ZNF117: variants seen among roughly 807,000 people sequenced by gnomAD.
ZNF117 encodes zinc finger protein 117, also known as Krueppel-related zinc finger protein.
A neutral mutation model predicts 41.2 loss-of-function variants in ZNF117; 37 were observed. The ratio of observed to expected loss-of-function variants is 0.90; its 90% confidence interval spans 0.69 to 1.18. The LOEUF is 1.18. ZNF117 is among the 50% of genes most tolerant of loss of function. The pLI is 0.00. For missense variants in ZNF117, 546 were observed against 557.5 expected (o/e 0.98, Z 0.21); for synonymous variants, 186 against 186.6 (o/e 1.00, Z 0.02).
exon 3 of ZNF117, chr7:64,975,605 GA>G (rs1785869145): frequency 1.3e-5 from 2 of 151,964 alleles, no homozygotes; most frequent in Non-Finnish European, 2.9e-5. Context: ...TGAAAAGCAT[GA>G]AGTAATTTGA....
upstream of ZNF117, among the ~76,000 whole-genome samples, chr7:64,984,232 A>G (rs953776200): frequency 2.6e-5 from 4 of 152,198 alleles, no homozygotes; most frequent in Non-Finnish European, 5.9e-5. Context: ...CCAGGGTTCA[A>G]GGGATTCTCA....
upstream of ZNF117, among the ~76,000 whole-genome samples, chr7:64,982,818 A>G (rs1336030812): frequency 6.6e-6 from 1 of 152,252 alleles, no homozygotes. Context: ...AATAATGAAG[A>G]GAAAAATAAT....
At chr7:64,981,177 A>G (rs1318915021) in intron 2 of ZNF117, 1 of 601,326 alleles carries the variant, frequency 1.7e-6, no homozygotes, top group Non-Finnish European at 2.8e-6. Context: ...GTGAAATTGA[A>G]GACAGATCAC....
At chr7:64,979,342 A>G in exon 3 of ZNF117, 2 of 1,594,944 alleles carry the variant, frequency 1.3e-6, no homozygotes, top group Non-Finnish European at 1.7e-6. Context: ...ATTTTGCTCA[A>G]GGTAGTTTTC....
At chr7:64,981,516 C>T (rs1786033401) in intron 1 of ZNF117, 34 bp from the exon 3 acceptor site, 9 of 1,503,416 alleles carry the variant, frequency 6.0e-6, no homozygotes, top group South Asian at 1.1e-5. Flanking sequence ...ATAAATCTTG[C>T]ACATATTCTC....
At chr7:64,978,167 A>G (rs1182805231) in exon 3 of ZNF117, 1 of 1,612,172 alleles carries the variant, frequency 6.2e-7, no homozygotes, top group Non-Finnish European at 8.5e-7. Flanking sequence ...GTTTCTCTTC[A>G]GTATGAATTA....
upstream of ZNF117, among the ~76,000 whole-genome samples, chr7:64,985,022 C>A (rs1219432483): frequency 6.6e-6 from 1 of 151,790 alleles, no homozygotes; most frequent in Non-Finnish European, 1.5e-5. Context: ...GAACTCCTGA[C>A]CTCAGGTGAT....
At chr7:64,989,493 A>G (rs1584056393) in intron 1 of ZNF117, among the ~76,000 whole-genome samples, 1 of 105,902 alleles carries the variant, frequency 9.4e-6, no homozygotes, top group Middle Eastern at 4.4e-3. Flanking sequence ...ATATATATAT[A>G]TATATAAAAC....
At chr7:64,977,657 C>T (rs1334743460) in exon 3 of ZNF117, 1 of 767,306 alleles carries the variant, frequency 1.3e-6, no homozygotes, top group Non-Finnish European at 2.2e-6. Flanking sequence ...TGTAGGGTTT[C>T]TCTCCAGTAT....
At chr7:64,987,521 A>T (rs950999943) in intron 1 of ZNF117, among the ~76,000 whole-genome samples, 3 of 152,194 alleles carry the variant, frequency 2.0e-5, no homozygotes, top group Non-Finnish European at 2.9e-5. Flanking sequence ...TTTGGAAAAA[A>T]TTAATAAGCT....
upstream of ZNF117, among the ~76,000 whole-genome samples, chr7:64,984,272 C>T (rs894488823): frequency 2.0e-5 from 3 of 152,184 alleles, no homozygotes; most frequent in African/African-American, 7.2e-5. Context: ...GCTGGGATTA[C>T]AGGCATGTGC....
intron 1 of ZNF117, among the ~76,000 whole-genome samples, chr7:64,989,506 G>C (rs1786216779): frequency 1.3e-5 from 1 of 79,458 alleles, no homozygotes; most frequent in Admixed American, 1.6e-4. Context: ...TATAAAACCT[G>C]AAAATAATCT....
At chr7:64,983,591 T>A (rs545088029), upstream of ZNF117, among the ~76,000 whole-genome samples, 1 of 152,040 alleles carries the variant, frequency 6.6e-6, no homozygotes, top group South Asian at 2.1e-4. Flanking sequence ...TAAAAAAAGG[T>A]CATGTCTTCC....
upstream of ZNF117, among the ~76,000 whole-genome samples, chr7:64,982,587 G>T (rs944284757): frequency 6.6e-6 from 1 of 152,046 alleles, no homozygotes; most frequent in Non-Finnish European, 1.5e-5. Flanking sequence ...TTTCTAAAAA[G>T]CTCACCAATA....
chr7:64,980,357 T>A (rs1397098718), intron 2 of ZNF117: 2 of 151,902 alleles, frequency 1.3e-5, no homozygotes, highest in East Asian at 1.9e-4. Context: ...ATTATAAAAT[T>A]TTCAGAAAGC....
exon 3 of ZNF117, chr7:64,977,313 T>C (rs780014407): frequency 7.1e-6 from 3 of 420,234 alleles, no homozygotes; most frequent in East Asian, 1.3e-4. Flanking sequence ...TTCACATTTG[T>C]AGCATTTCTC....
intron 1 of ZNF117, among the ~76,000 whole-genome samples, chr7:64,989,701 T>C (rs2129121410): frequency 6.6e-6 from 1 of 151,198 alleles, no homozygotes; most frequent in East Asian, 2.0e-4. Context: ...AAGAAAATAT[T>C]TGCAAACTAT....
exon 3 of ZNF117, chr7:64,976,806 T>C (rs1785897078): frequency 7.8e-6 from 3 of 385,602 alleles, no homozygotes; most frequent in Non-Finnish European, 1.6e-5. Flanking sequence ...TGTCACATCT[T>C]TCAGGTTTGT....
chr7:64,976,751 ATTTAT>A (rs1330403431), exon 3 of ZNF117: 3 of 359,174 alleles, frequency 8.4e-6, no homozygotes, highest in Non-Finnish European at 1.6e-5. Context: ...CACCAGTATG[ATTTAT>A]TTTATGTTTA....
Sources: allele counts gnomAD v4.1 joint callset (sites outside exome capture counted in the v4.1 genomes callset), GRCh38; gene constraint gnomAD v4.1.1; transcripts MANE v1.5; gene names NCBI Gene and HGNC (gene_info 2026-07-23, HGNC 2026-07-21).